The following DCHS1 variants were observed in gnomAD, a reference collection of about 807,000 sequenced individuals.
The protein encoded by DCHS1 is protocadherin-16.
Under a neutral mutation model 213.9 loss-of-function variants are expected in DCHS1, and 78 were observed. The observed-to-expected ratio is 0.36, with a 90% confidence interval of 0.30 to 0.44. The LOEUF is 0.44. DCHS1 is among the 20% of genes least tolerant of loss of function. DCHS1 has a pLI of 1.00. For missense variants in DCHS1, 3,946 were observed against 4,395.9 expected (o/e 0.90, Z 2.89); for synonymous variants, 1,828 against 1,873.7 (o/e 0.98, Z 0.63).
rs1485701750 is a variant in DCHS1 at position 6,621,751 on chromosome 11, C to G, written c.*28G>C. On this transcript the variant is annotated 3_prime_UTR_variant, in exon 21 of 21. Transcript: ENST00000299441. Reference sequence around the variant, plus strand: ...CTGCGTTGGGGACACTGTGCGCATCCCAGGTCGGGGCCCAGCCTGGGCCAC... The same window carrying G: ...CTGCGTTGGGGACACTGTGCGCATCGCAGGTCGGGGCCCAGCCTGGGCCAC... 5.2e-5 allele frequency: 80 copies of G among 1,553,294 alleles called. No homozygotes were observed. The highest frequency in any genetic ancestry group is 6.8e-5 in the Non-Finnish European group (78 of 1,150,496).
intron 1 of DCHS1, among the ~76,000 whole-genome samples, chr11:6,646,220 A>C (rs1419541041): frequency 6.6e-6 from 1 of 152,016 alleles, no homozygotes; most frequent in African/African-American, 2.4e-5. Context: ...CTCACACTTG[A>C]AGACCCACCC....
At chr11:6,631,932 A>G in intron 6 of DCHS1, 99 bp downstream of exon 6, 2 of 1,445,794 alleles carry the variant, frequency 1.4e-6, no homozygotes, top group Non-Finnish European at 1.8e-6. Flanking sequence ...CCTCATTCTC[A>G]GGGGCGAGAT....
chr11:6,642,710 G>C (rs1247241545), intron 1 of DCHS1, among the ~76,000 whole-genome samples: 1 of 152,136 alleles, frequency 6.6e-6, no homozygotes, highest in East Asian at 1.9e-4. Flanking sequence ...CTTGTAAGCT[G>C]TATTGAAGAT....
At chr11:6,631,015 C>A (rs1383545512) in intron 9 of DCHS1, 38 bp downstream of exon 9, 3 of 1,574,678 alleles carry the variant, frequency 1.9e-6, no homozygotes, top group Non-Finnish European at 2.6e-6. Context: ...CTGAAGGGGA[C>A]CTACAGCGGT....
rs762213705 is a variant in DCHS1 at position 6,632,762 on chromosome 11, C to G, written c.2750G>C (p.Arg917Pro). 7.4e-6 allele frequency: 12 copies of G among 1,612,832 alleles called. No individual in the cohort carries two copies. Among genetic ancestry groups the G allele is most frequent in the African/African-American group, 1.3e-5 (1 of 74,900 alleles). Residue 917 changes from arginine (R) to proline (P), a missense_variant, in exon 6 of 21, where the codon CGG (arginine) becomes CCG (proline). Arg to Pro is a moderately radical substitution (Grantham distance 103). Transcript: ENST00000299441. This position sits in a 1 kb window ranked among gnomAD's most constrained non-coding sequence, Gnocchi z 5.9. The part of the protein sequence containing the change: ...TAPGTPIYTL[R>P]ALDPDSGVNS... ...AACACCTGAGTCGGGGTCAAGAGCC[C>G]GCAGTGTATAGATGGGAGTCCCTGG...
rs1855706343 is a variant in DCHS1 at position 6,622,234 on chromosome 11, T to C, written c.9442A>G (p.Thr3148Ala). Residue 3148 changes from threonine to alanine, a missense_variant, in exon 21 of 21, where the codon ACA becomes GCA. Physicochemically the swap from Thr to Ala is moderately conservative, Grantham distance 58. This residue lies in a region of DCHS1 where 554 missense variants were observed against 590.2 expected (regional missense o/e 0.94). Coordinates refer to ENST00000299441, the MANE Select transcript of DCHS1 (RefSeq NM_003737.4). This position sits in a 1 kb window ranked among gnomAD's most constrained non-coding sequence, Gnocchi z 5.4. ...DGKPCVAGALTAIVAGEEELR... is the reference protein window; with the variant it reads ...DGKPCVAGALAAIVAGEEELR... ...TCCTCCTCGCCGGCCACAATGGCTGTCAGCGCACCTGCCACACATGGCTTG... is the reference window on the plus strand; with the variant it reads ...TCCTCCTCGCCGGCCACAATGGCTGCCAGCGCACCTGCCACACATGGCTTG... 6.2e-7 allele frequency: 1 copy of C among 1,601,090 alleles called. No individual in the cohort carries two copies. The highest frequency in any genetic ancestry group is 1.3e-5 in the African/African-American group (1 of 74,742).
At chr11:6,646,109 T>A (rs1190979895) in intron 1 of DCHS1, among the ~76,000 whole-genome samples, 1 of 151,712 alleles carries the variant, frequency 6.6e-6, no homozygotes, top group Non-Finnish European at 1.5e-5. Context: ...CCCTCTGATA[T>A]GCCCCCACAT....
Position 6,634,165 on chromosome 11 carries a change from C to T in DCHS1, c.1939G>A (p.Asp647Asn), listed in dbSNP as rs370327527. The T allele has an allele frequency of 8.1e-6, 13 of 1,611,734 alleles. No homozygotes were observed. Among genetic ancestry groups the T allele is most frequent in the Non-Finnish European group, 1.1e-5 (13 of 1,178,436 alleles). Reference protein sequence around the residue: ...DVCTTRTLDRDQGPSSFDFTV... With the variant: ...DVCTTRTLDRNQGPSSFDFTV... The stretch of plus-strand genomic sequence containing the variant: ...AAGTCAAAGCTTGAGGGCCCCTGGT[C>T]ACGGTCCAGGGTCCGGGTTGTGCAC... Residue 647 changes from aspartate (D) to asparagine (N), a missense_variant, in exon 3 of 21, where the codon GAC (aspartate) becomes AAC (asparagine). Asp to Asn is a conservative substitution (Grantham distance 23). Coordinates refer to ENST00000299441, the MANE Select transcript of DCHS1 (RefSeq NM_003737.4).
chr11:6,634,709 C>G (rs1256095110), intron 2 of DCHS1, among the ~76,000 whole-genome samples: 1 of 152,024 alleles, frequency 6.6e-6, no homozygotes, highest in Non-Finnish European at 1.5e-5. Flanking sequence ...GAACATTAGA[C>G]CACACTTCAG....
chr11:6,623,639 A>T lies in DCHS1; in HGVS notation c.8037T>A (p.Ala2679=). Reference sequence around the variant, plus strand: ...CAAAGTGTGCACCAGCAGGGTCAGCAGCCTGTACTACAAGCTGATGTCGAG... The same window carrying T: ...CAAAGTGTGCACCAGCAGGGTCAGCTGCCTGTACTACAAGCTGATGTCGAG... ...TQARHQLVVQ[A]ADPAGAHFAL... The change falls in exon 21 of 21, where the codon GCT becomes GCA. Residue 2679 remains alanine, a synonymous_variant. Transcript: ENST00000299441. The T allele has an allele frequency of 6.2e-7, 1 of 1,613,836 alleles. No homozygotes were observed. The highest frequency in any genetic ancestry group is 8.5e-7 in the Non-Finnish European group (1 of 1,179,896).
At chr11:6,652,760 A>G (rs1406600372) in intron 1 of DCHS1, among the ~76,000 whole-genome samples, 1 of 152,180 alleles carries the variant, frequency 6.6e-6, no homozygotes, top group East Asian at 1.9e-4. Flanking sequence ...AGATGGCCTC[A>G]ATTTCCTCAG....
chr11:6,622,896 A>G lies in DCHS1; in HGVS notation c.8780T>C (p.Leu2927Pro), dbSNP rs746943134. The change falls in exon 21 of 21, where the codon CTG (leucine) becomes CCG (proline). Residue 2927 changes from leucine to proline, a missense_variant. Coordinates refer to ENST00000299441, the MANE Select transcript of DCHS1 (RefSeq NM_003737.4). The surrounding 1 kb of genome is among the most constrained non-coding windows in gnomAD (Gnocchi z 5.4). ...CAGGTTGAGGTCAGGTGCCAGGCCCAGTGCGGTGTGGGTGATATCCACGGT... is the reference window on the plus strand; with the variant it reads ...CAGGTTGAGGTCAGGTGCCAGGCCCGGTGCGGTGTGGGTGATATCCACGGT... ...PVTVDITHTALGLAPDLNLLL... is the reference protein window; with the variant it reads ...PVTVDITHTAPGLAPDLNLLL... The G allele has an allele frequency of 5.0e-6, 8 of 1,597,280 alleles. No homozygotes were observed. Among genetic ancestry groups the G allele is most frequent in the South Asian group, 1.1e-5 (1 of 88,178 alleles).
rs773078078 is a variant in DCHS1, at chr11:6,630,396, G to A, written c.4398C>T (p.Pro1466=). Reference sequence around the variant, plus strand: ...GGTAGCGCACGTCGCTATTGGGGCCGGGGCCGTCGGCGTCCGACGCGCGGA... The same window carrying A: ...GGTAGCGCACGTCGCTATTGGGGCCAGGGCCGTCGGCGTCCGACGCGCGGA... ...YTFRASDADG[P]GPNSDVRYRL... is the part of the protein sequence containing the mutation. The change falls in exon 10 of 21, where the codon CCC becomes CCT. Residue 1466 remains proline (P), a synonymous_variant. Transcript: ENST00000299441. The A allele has an allele frequency of 7.4e-5, 104 of 1,412,860 alleles. 1 individual carries two copies. The South Asian group carries it at 1.1e-3, about 16-fold the overall frequency. 87.5% of individuals were successfully genotyped at this position (1,412,860 alleles called of 1,614,324 possible). A position where few individuals can be genotyped will look rare whatever the true frequency, so the allele number is the denominator to read the frequency against.
chr11:6,631,622 A>G lies in DCHS1; in HGVS notation c.3669T>C (p.Pro1223=). 6.3e-7 allele frequency: 1 copy of G among 1,576,062 alleles called. No homozygotes were observed. Among genetic ancestry groups the G allele is most frequent in the Non-Finnish European group, 8.6e-7 (1 of 1,161,872 alleles). Residue 1223 remains proline (P), a synonymous_variant, in exon 7 of 21, where the codon CCT becomes CCC. Coordinates refer to ENST00000299441, the MANE Select transcript of DCHS1 (RefSeq NM_003737.4). ...QASGAAGGGL[P]IQVPDRVPPG... is the part of the protein sequence containing the mutation. ...GTCCTGCCACTTCACATACCTGTAT[A>G]GGGAGGCCCCCACCAGCAGCTCCTG... is the stretch of plus-strand genomic sequence containing the variant.
In DCHS1 at chr11:6,623,405, T is replaced by C. The variant is rs1315118724; in HGVS notation, c.8271A>G (p.Ala2757=). The change falls in exon 21 of 21, where the codon GCA becomes GCG. Residue 2757 remains alanine, a synonymous_variant. Coordinates refer to ENST00000299441, the MANE Select transcript of DCHS1 (RefSeq NM_003737.4). ...CCCCTGTTGAGCTGTTCAGTGCAAA[T>C]GCCTCACGGCCCTCAGGTCCTGGCC... is the stretch of plus-strand genomic sequence containing the variant. ...EAGPGPEGRE[A]FALNSSTGEL... 6.9e-6 allele frequency: 11 copies of C among 1,593,596 alleles called. No individual in the cohort carries two copies. Among genetic ancestry groups the C allele is most frequent in the African/African-American group, 4.0e-5 (3 of 74,394 alleles).
Position 6,622,849 on chromosome 11 carries a change from C to T in DCHS1, c.8827G>A (p.Ala2943Thr). The T allele has an allele frequency of 6.3e-7, 1 of 1,595,636 alleles. No homozygotes were observed. Residue 2943 changes from alanine to threonine, a missense_variant, in exon 21 of 21, where the codon GCC becomes ACC. Transcript: ENST00000299441. This position sits in a 1 kb window ranked among gnomAD's most constrained non-coding sequence, Gnocchi z 5.4. The stretch of plus-strand genomic sequence containing the variant: ...AGCACCACCACAACTCCCAAGGAGG[C>T]TGCCACGGCCCCTACTAATAGCAGG... ...LNLLLVGAVA[A>T]SLGVVVVLAL...
Position 6,622,120 on chromosome 11 carries a change from G to C in DCHS1, c.9556C>G (p.Leu3186Val). Residue 3186 changes from leucine (L) to valine (V), a missense_variant, in exon 21 of 21, where the codon CTC becomes GTC. Leu to Val is a conservative substitution (Grantham distance 32, BLOSUM62 1). Coordinates refer to ENST00000299441, the MANE Select transcript of DCHS1 (RefSeq NM_003737.4). This position sits in a 1 kb window ranked among gnomAD's most constrained non-coding sequence, Gnocchi z 5.4. ...LASVFTEIAR[L>V]KDEARPCPPA... ...GGACATGGCCGAGCTTCATCCTTGA[G>C]CCGAGCGATCTCTGTGAAGACACTG... The C allele has an allele frequency of 6.2e-7, 1 of 1,613,188 alleles. No individual in the cohort carries two copies. The highest frequency in any genetic ancestry group is 1.1e-5 in the South Asian group (1 of 91,058).
rs143500162 is a variant in DCHS1 at position 6,652,586 on chromosome 11, G to A, written c.-121+2977C>T. 1.4e-4 allele frequency among the ~76,000 whole-genome samples: 21 copies of A among 152,330 alleles called. No homozygotes were observed. The East Asian group carries it at 3.9e-3, about 28-fold the overall frequency. ...ACACATGGAATAATCAGTTGAGTGA[G>A]GTCCCTGTGGAAGAGGAAGGGGATG... On this transcript the variant is annotated intron_variant, in intron 1 of 20. Transcript: ENST00000299441.
At chr11:6,654,279 C>G (rs1339787246) in intron 1 of DCHS1, among the ~76,000 whole-genome samples, 1 of 152,126 alleles carries the variant, frequency 6.6e-6, no homozygotes, top group Non-Finnish European at 1.5e-5. Context: ...GCACAGCCTC[C>G]TGTTAGTGAC....
Sources: allele counts gnomAD v4.1 joint callset (sites outside exome capture counted in the v4.1 genomes callset), GRCh38; gene constraint gnomAD v4.1.1; regional missense constraint gnomAD v4.1.1; non-coding constraint Gnocchi (gnomAD v3.1); transcripts MANE v1.5; gene names NCBI Gene and HGNC (gene_info 2026-07-23, HGNC 2026-07-21).